Variants in CLVS1 observed in about 807,000 individuals in gnomAD.
CLVS1 encodes clavesin-1.
A neutral mutation model predicts 33.1 loss-of-function variants in CLVS1; 10 were observed. The observed-to-expected ratio is 0.30, with a 90% CI of 0.19 to 0.51. The LOEUF is 0.51. Among genes scored for constraint, CLVS1 ranks in the 20% least tolerant of loss-of-function variants. The pLI, the probability that CLVS1 is intolerant of heterozygous loss-of-function variation, is 0.97. For missense variants in CLVS1, 343 were observed against 433.4 expected, an observed-to-expected ratio of 0.79 and a Z score of 1.85; for synonymous variants, 163 against 166.1, an observed-to-expected ratio of 0.98 and a Z score of 0.14.
At chr8:61,383,389 T>C (rs573286662) in intron 3 of CLVS1, among the ~76,000 whole-genome samples, 1 of 152,366 alleles carries the variant, frequency 6.6e-6, no homozygotes. Context: ...ATTTATAGCA[T>C]CTTTTATTAA....
At chr8:61,273,711 C>G (rs900619480) in intron 2 of CLVS1, among the ~76,000 whole-genome samples, 22 of 152,306 alleles carry the variant, frequency 1.4e-4, no homozygotes, top group Admixed American at 1.0e-3. Flanking sequence ...TGTTTTAAGC[C>G]CATCAGAAAA....
chr8:61,260,212 T>A (rs1809171415), intron 2 of CLVS1, among the ~76,000 whole-genome samples: 1 of 152,224 alleles, frequency 6.6e-6, no homozygotes, highest in Non-Finnish European at 1.5e-5. Flanking sequence ...TGCCATTCAG[T>A]CCATTCTCTT....
chr8:61,155,236 A>G (rs991005303), intron 2 of CLVS1, among the ~76,000 whole-genome samples: 2 of 152,194 alleles, frequency 1.3e-5, no homozygotes. Context: ...TACGCATAGC[A>G]CCTCTACATT....
the CLVS1 span, among the ~76,000 whole-genome samples, chr8:60,969,716 A>G: frequency 1.3e-5 from 2 of 152,302 alleles, no homozygotes; most frequent in East Asian, 3.9e-4. Context: ...ATTAAATATA[A>G]CACACAGTCA....
In CLVS1 at chr8:61,243,312, T is replaced by G. The variant is rs558346145; in HGVS notation, c.-151-56365T>G. On this transcript the variant is annotated intron_variant, in intron 2 of 2. Transcript: ENST00000522621. ...TGGAATGTATTAACATATATCAGGT[T>G]TCTTTTAGGCTGATTCACACATGCA... Among the ~76,000 whole-genome samples, 51 of 152,318 alleles carry G rather than the reference T, an allele frequency of 3.3e-4. No individual in the cohort carries two copies. In the East Asian group the frequency reaches 8.5e-3, roughly 25 times the overall value.
rs141253285 is a variant in CLVS1 at position 61,419,098 on chromosome 8, C to T, written c.631-35043C>T. ...ACAAATGAAGGCACAAACAAGGCCA[C>T]AAATAAAAATCATTTATTGGCTGGG... On this transcript the variant is annotated intron_variant, in intron 3 of 5. Transcript: ENST00000325897. Among the ~76,000 whole-genome samples the T allele has an allele frequency of 3.9e-3, 601 of 152,196 alleles. 3 individuals are homozygous for T. The highest frequency in any genetic ancestry group is 0.013 in the African/African-American group (559 of 41,530).
chr8:61,309,820 C>G (rs1810772156), intron 2 of CLVS1, among the ~76,000 whole-genome samples: 1 of 152,186 alleles, frequency 6.6e-6, no homozygotes, highest in Admixed American at 6.5e-5. Context: ...GTTCCTTCTT[C>G]TGATTAAAAC....
intron 5 of CLVS1, among the ~76,000 whole-genome samples, chr8:61,471,754 G>T (rs1052052868): frequency 2.6e-5 from 4 of 152,220 alleles, no homozygotes; most frequent in African/African-American, 9.6e-5. Context: ...GTCTGAGCCT[G>T]CCCCCTGGCC....
the CLVS1 span, among the ~76,000 whole-genome samples, chr8:60,995,342 G>T: frequency 2.0e-5 from 3 of 152,004 alleles, no homozygotes; most frequent in Non-Finnish European, 4.4e-5. Context: ...CCATCAAAAA[G>T]TGGGCGAAGG....
chr8:60,966,292 C>T, the CLVS1 span: 1 of 447,640 alleles, frequency 2.2e-6, no homozygotes, highest in Non-Finnish European at 4.5e-6. Flanking sequence ...GCTATGCAGC[C>T]CAGGTGAAGG....
chr8:60,980,155 G>A, the CLVS1 span, among the ~76,000 whole-genome samples: 2 of 152,312 alleles, frequency 1.3e-5, no homozygotes, highest in Non-Finnish European at 1.5e-5. Flanking sequence ...CTAATGGCCA[G>A]GTTTGCAAAG....
At chr8:61,457,805 T>C (rs1817221364) in intron 4 of CLVS1, among the ~76,000 whole-genome samples, 1 of 152,074 alleles carries the variant, frequency 6.6e-6, no homozygotes. Context: ...AGTCAGCAGA[T>C]ACTGAAGAAT....
chr8:61,436,782 G>T (rs1265570323), intron 3 of CLVS1, among the ~76,000 whole-genome samples: 1 of 152,180 alleles, frequency 6.6e-6, no homozygotes, highest in Non-Finnish European at 1.5e-5. Context: ...GACAACTCCT[G>T]TAGGGGTGCA....
intron 2 of CLVS1, among the ~76,000 whole-genome samples, chr8:61,216,605 A>T (rs1485809274): frequency 1.3e-5 from 2 of 152,242 alleles, no homozygotes; most frequent in Non-Finnish European, 2.9e-5. Context: ...AAGCAGGATT[A>T]TAAGATGACA....
intron 3 of CLVS1, among the ~76,000 whole-genome samples, chr8:61,384,140 T>C (rs1368032666): frequency 6.6e-6 from 1 of 152,128 alleles, no homozygotes; most frequent in Non-Finnish European, 1.5e-5. Flanking sequence ...GTGGAGAGAA[T>C]ACAGACAAAG....
At chr8:61,176,734 G>A (rs61281130) in intron 2 of CLVS1, among the ~76,000 whole-genome samples, 4,865 of 152,208 alleles carry the variant, frequency 0.032, 251 homozygotes, top group African/African-American at 0.11. Flanking sequence ...CACATGAGGC[G>A]GGGGAGCCCT....
At chr8:61,322,243 A>G (rs908710923) in intron 2 of CLVS1, among the ~76,000 whole-genome samples, 7 of 152,194 alleles carry the variant, frequency 4.6e-5, no homozygotes, top group Admixed American at 6.5e-5. Context: ...ACAGAAACAG[A>G]TGTGTTCTTC....
At chr8:61,330,848 G>C (rs572382161) in intron 2 of CLVS1, among the ~76,000 whole-genome samples, 2 of 151,956 alleles carry the variant, frequency 1.3e-5, no homozygotes, top group Non-Finnish European at 2.9e-5. Context: ...CCAGCACTGT[G>C]GGGGGCTAAG....
chr8:61,089,887 T>G (rs28650973), intron 1 of CLVS1, among the ~76,000 whole-genome samples: 47,425 of 152,148 alleles, frequency 0.31, 9,064 homozygotes, highest in African/African-American at 0.54. Context: ...GCCACTGCAC[T>G]CAAGCCTGGG....
Sources: allele counts gnomAD v4.1 joint callset (sites outside exome capture counted in the v4.1 genomes callset), GRCh38; gene constraint gnomAD v4.1.1; transcripts MANE v1.5; gene names NCBI Gene and HGNC (gene_info 2026-07-23, HGNC 2026-07-21).